Variants in EOGT observed in about 807,000 individuals in gnomAD.
EOGT encodes the protein EGF domain specific O-linked N-acetylglucosamine transferase.
EOGT carries 55 observed loss-of-function variants against 70.5 expected under a neutral mutation model. The observed-to-expected ratio is 0.78, with a 90% CI of 0.63 to 0.98. The LOEUF is 0.98. Among genes scored for constraint, EOGT ranks in the 50% least tolerant of loss-of-function variants. The probability of loss-of-function intolerance (pLI) is 0.00; values close to 1 mark genes in which losing one functional copy is unlikely to be tolerated. For synonymous variants in EOGT, 246 were observed against 217.1 expected (o/e 1.13, Z -1.17); for missense variants, 703 against 641.9 (o/e 1.10, Z -1.03).
intron 6 of EOGT, 141 bp from the exon 7 acceptor site, chr3:69,005,375 C>T: frequency 1.9e-6 from 1 of 526,496 alleles, no homozygotes; most frequent in Non-Finnish European, 3.4e-6. Flanking sequence ...CCAAAGACTG[C>T]ATCTGCTGAA....
At chr3:68,989,092 A>G in intron 10 of EOGT, 75 bp from the exon 11 acceptor site, 1 of 810,144 alleles carries the variant, frequency 1.2e-6, no homozygotes, top group Non-Finnish European at 1.9e-6. Context: ...GCAACAAAAT[A>G]CCTGAATTTG....
At chr3:69,004,547 G>A (rs766544880) in intron 7 of EOGT, 65 bp from the exon 8 acceptor site, 11 of 1,031,998 alleles carry the variant, frequency 1.1e-5, no homozygotes, top group South Asian at 4.0e-5. Flanking sequence ...CACGTGGGTT[G>A]TAACTAAAGT....
intron 11 of EOGT, 60 bp from the exon 12 acceptor site, chr3:68,988,637 AC>A (rs1438660516): frequency 9.8e-7 from 1 of 1,023,938 alleles, no homozygotes; most frequent in East Asian, 2.6e-5. Flanking sequence ...CAAAAATAGC[AC>A]GTATAATTTT....
At chr3:68,987,705 CA>C in intron 13 of EOGT, 192 bp from the exon 14 acceptor site, 1 of 587,550 alleles carries the variant, frequency 1.7e-6, no homozygotes, top group Non-Finnish European at 3.0e-6. Flanking sequence ...CCACCGAAGG[CA>C]AAAACCAGCT....
chr3:69,001,669 T>C lies in EOGT; in HGVS notation c.666A>G (p.Ile222Met), dbSNP rs369698395. ...QSYTQLNFRP[I>M]EDAKCDIVIE... is the part of the protein sequence containing the mutation. ...TGACAATGTCACATTTAGCATCTTC[T>C]ATAGGTCTGAAGTTGAGCTGAGTAT... Residue 222 changes from isoleucine to methionine, a missense_variant, in exon 9 of 18, where the codon ATA becomes ATG. Ile to Met is a conservative substitution (Grantham distance 10). Transcript: ENST00000383701. 2 of 1,612,000 alleles carry C rather than the reference T, an allele frequency of 1.2e-6. No individual in the cohort carries two copies. Among genetic ancestry groups the C allele is most frequent in the Admixed American group, 1.7e-5 (1 of 59,616 alleles).
At chr3:68,980,786 T>C (rs1009725930) in intron 15 of EOGT, among the ~76,000 whole-genome samples, 2 of 152,208 alleles carry the variant, frequency 1.3e-5, no homozygotes, top group Non-Finnish European at 2.9e-5. Context: ...CAGGTGAACA[T>C]ACCCCTGCAC....
intron 10 of EOGT, among the ~76,000 whole-genome samples, chr3:68,992,618 G>A (rs530931527): frequency 2.0e-5 from 3 of 152,274 alleles, no homozygotes; most frequent in East Asian, 1.9e-4. Flanking sequence ...CCATTCTGGG[G>A]TCTGGAGGAT....
intron 10 of EOGT, among the ~76,000 whole-genome samples, chr3:68,992,251 T>C (rs551508676): frequency 1.3e-5 from 2 of 152,256 alleles, no homozygotes; most frequent in South Asian, 4.2e-4. Flanking sequence ...CCCTTCCACC[T>C]ATGAGTCTGT....
intron 9 of EOGT, among the ~76,000 whole-genome samples, chr3:69,001,131 T>C (rs1277286432): frequency 6.6e-6 from 1 of 151,952 alleles, no homozygotes; most frequent in Non-Finnish European, 1.5e-5. Context: ...TAATTTTTTG[T>C]GTTTTTTTAG....
rs11128107 is a variant in EOGT, at chr3:68,998,461, C to T, written c.728-347G>A. On this transcript the variant is annotated intron_variant, in intron 9 of 17. Transcript: ENST00000383701. Reference sequence around the variant, plus strand: ...AGAACTACAGGGCCATGAAGACAAACCATTATTTCTTCTGACTTTATTTAT... The same window carrying T: ...AGAACTACAGGGCCATGAAGACAAATCATTATTTCTTCTGACTTTATTTAT... 0.82 allele frequency among the ~76,000 whole-genome samples: 125,497 copies of T among 152,248 alleles called. 51,863 individuals are homozygous for T. Among genetic ancestry groups the T allele is most frequent in the Admixed American group, 0.86 (13,132 of 15,296 alleles).
In EOGT at chr3:68,988,308, T is replaced by C; in HGVS notation, c.1070A>G (p.Gln357Arg). 2 of 1,535,672 alleles carry C rather than the reference T, an allele frequency of 1.3e-6. No individual in the cohort carries two copies. The highest frequency in any genetic ancestry group is 1.2e-5 in the South Asian group (1 of 84,034). The change falls in exon 13 of 18, where the codon CAA becomes CGA. Residue 357 changes from glutamine to arginine, a missense_variant. Physicochemically the swap from Gln to Arg is conservative, Grantham distance 43 (BLOSUM62 1). Coordinates refer to ENST00000383701, the MANE Select transcript of EOGT (RefSeq NM_001278689.2). ...TGTATCCATTACCTTAGGTCCTTCTTGTGTGATGTTTAGTCTGTGTAGTAC... is the reference window on the plus strand; with the variant it reads ...TGTATCCATTACCTTAGGTCCTTCTCGTGTGATGTTTAGTCTGTGTAGTAC... ...QHVLHRLNIT[Q>R]EGPKDGKIRV...
chr3:69,001,841 C>T, intron 8 of EOGT, 127 bp from the exon 9 acceptor site: 1 of 638,554 alleles, frequency 1.6e-6, no homozygotes. Flanking sequence ...CCTATGGACA[C>T]CTGTAACTTC....
rs1279797001 is a variant in EOGT at position 68,977,676 on chromosome 3, G to A, written c.1526C>T (p.Ala509Val). The A allele has an allele frequency of 1.9e-6, 3 of 1,613,932 alleles. No individual in the cohort carries two copies. The highest frequency in any genetic ancestry group is 2.5e-6 in the Non-Finnish European group (3 of 1,179,922). ...CTTTGGGTGTTGCAATACGTGGTCTGCAGCCTGAAGGACAAGATACATAAA... is the reference window on the plus strand; with the variant it reads ...CTTTGGGTGTTGCAATACGTGGTCTACAGCCTGAAGGACAAGATACATAAA... ...EEFMYLVLQA[A>V]DHVLQHPKWP... is the part of the protein sequence containing the mutation. Residue 509 changes from alanine to valine, a missense_variant, in exon 18 of 18, where the codon GCA (alanine) becomes GTA (valine). By Grantham distance (64) the Ala-to-Val change is moderately conservative. Coordinates refer to ENST00000383701, the MANE Select transcript of EOGT (RefSeq NM_001278689.2).
intron 8 of EOGT, among the ~76,000 whole-genome samples, chr3:69,002,161 C>G (rs1204886883): frequency 6.6e-6 from 1 of 152,136 alleles, no homozygotes; most frequent in Non-Finnish European, 1.5e-5. Context: ...CAAAAGGAGC[C>G]GAGGCTTACA....
In EOGT at chr3:69,007,764, A is replaced by T; in HGVS notation, c.369T>A (p.Tyr123Ter). 6.2e-7 allele frequency: 1 copy of T among 1,613,496 alleles called. No homozygotes were observed. The highest frequency in any genetic ancestry group is 8.5e-7 in the Non-Finnish European group (1 of 1,179,632). Reference sequence around the variant, plus strand: ...GCATCTCCTCCAGCCTCTCTCTGGCATATCCAAAGTCAGCTTGTTTCCAAA... The same window carrying T: ...GCATCTCCTCCAGCCTCTCTCTGGCTTATCCAAAGTCAGCTTGTTTCCAAA... The part of the protein sequence containing the change: ...DIFWKQADFG[Y>*]ARERLEEMHV... Residue 123 changes from tyrosine (Y) to a stop codon, truncating the protein, a stop_gained, in exon 6 of 18, where the codon TAT (tyrosine) becomes TAA (stop). Transcript: ENST00000383701. LOFTEE classifies it high-confidence loss of function.
chr3:69,009,933 C>CAACAAAAAAAAAAAAAAAAAAAAAAA, intron 3 of EOGT, 73 bp from the exon 4 acceptor site: 3 of 255,194 alleles, frequency 1.2e-5, no homozygotes, highest in Admixed American at 7.1e-5. Context: ...ACAACAACAA[C>CAACAAAAAAAAAAAAAAAAAAAAAAA]AAAAAAAAAA....
intron 14 of EOGT, among the ~76,000 whole-genome samples, chr3:68,984,533 G>C (rs1332861498): frequency 6.6e-6 from 1 of 152,136 alleles, no homozygotes; most frequent in African/African-American, 2.4e-5. Context: ...ATGATTTAAT[G>C]AGGCCATTTG....
In EOGT at chr3:69,005,219, C is replaced by T. The variant is rs1469835816; in HGVS notation, c.436G>A (p.Val146Met). Residue 146 changes from valine to methionine, a missense_variant, in exon 7 of 18, where the codon GTG (valine) becomes ATG (methionine). Val to Met is a conservative substitution (Grantham distance 21). Transcript: ENST00000383701. ...QPKETSDSSL[V>M]CSRYLQYCRA... ...CAGTACTGAAGATAACGGGAACACA[C>T]CAGACTTGAGTCACTCTGAAGGTTG... The T allele has an allele frequency of 1.3e-6, 2 of 1,596,568 alleles. No individual in the cohort carries two copies. The highest frequency in any genetic ancestry group is 2.2e-5 in the East Asian group (1 of 44,732).
chr3:68,987,990 C>G (rs764058263), intron 13 of EOGT: 2 of 399,466 alleles, frequency 5.0e-6, no homozygotes, highest in Non-Finnish European at 9.0e-6. Context: ...TCTTGGCTCA[C>G]TGCAGCCTCT....
Sources: allele counts gnomAD v4.1 joint callset (sites outside exome capture counted in the v4.1 genomes callset), GRCh38; gene constraint gnomAD v4.1.1; transcripts MANE v1.5; gene names NCBI Gene and HGNC (gene_info 2026-07-23, HGNC 2026-07-21).